Variants in DYNC2H1 observed in about 807,000 individuals in gnomAD.
The protein encoded by DYNC2H1 is cytoplasmic dynein 2 heavy chain 1.
DYNC2H1 carries 410 observed loss-of-function variants against 570.0 expected under a neutral mutation model. That is an observed-to-expected ratio of 0.72 (90% CI 0.66 to 0.78). The LOEUF (loss-of-function observed/expected upper bound fraction) is 0.78. DYNC2H1 is among the 30% of genes least tolerant of loss of function. The pLI is 0.00. For missense variants in DYNC2H1, 4,865 were observed against 5,046.4 expected, an observed-to-expected ratio of 0.96 and a Z score of 1.09; for synonymous variants, 1,688 against 1,677.6, an observed-to-expected ratio of 1.01 and a Z score of -0.15.
At chr11:103,176,047 AT>A (rs1015281650) in intron 36 of DYNC2H1, among the ~76,000 whole-genome samples, 187 bp from the exon 37 acceptor site, 2 of 152,116 alleles carry the variant, frequency 1.3e-5, no homozygotes, top group Admixed American at 1.3e-4. Context: ...ACTTAGTGAT[AT>A]TTACTTTTTA....
chr11:103,158,932 G>A lies in DYNC2H1; in HGVS notation c.4283G>A (p.Arg1428Lys). 1.9e-6 allele frequency: 3 copies of A among 1,610,018 alleles called. No individual in the cohort carries two copies. The highest frequency in any genetic ancestry group is 1.7e-6 in the Non-Finnish European group (2 of 1,178,940). ...TAGGAAAAACGCTCAGCATTCCCAA[G>A]ATTTTATTTTATTGGTGATGATGAC... ...FLEEKRSAFP[R>K]FYFIGDDDLL... is the part of the protein sequence containing the mutation. The change falls in exon 28 of 89, where the codon AGA becomes AAA. Residue 1428 changes from arginine to lysine, a missense_variant. Physicochemically the swap from Arg to Lys is conservative, Grantham distance 26. Around this residue, in one of 5 missense-constraint regions of DYNC2H1, gnomAD observed 1,936 missense variants for 1,962.1 expected, o/e 0.99. Coordinates refer to ENST00000375735, the MANE Select transcript of DYNC2H1 (RefSeq NM_001377.3).
chr11:103,189,928 G>C lies in DYNC2H1; in HGVS notation c.7437+112G>C, dbSNP rs1862228055. ...CCAGGCTTTACTTTCCTGTTTATTA[G>C]ACTTTTCTAGTAGAGAGTAACTGTG... On this transcript the variant is annotated intron_variant, in intron 45 of 88. Coordinates refer to ENST00000375735, the MANE Select transcript of DYNC2H1 (RefSeq NM_001377.3). This position sits in a 1 kb window ranked among gnomAD's most constrained non-coding sequence, Gnocchi z 4.3. 4 of 1,109,998 alleles carry C rather than the reference G, an allele frequency of 3.6e-6. No homozygotes were observed. Among genetic ancestry groups the C allele is most frequent in the Non-Finnish European group, 5.1e-6 (4 of 790,830 alleles). 68.8% of individuals were successfully genotyped at this position (1,109,998 alleles called of 1,614,324 possible). A position where few individuals can be genotyped will look rare whatever the true frequency, so the allele number is the denominator to read the frequency against.
intron 79 of DYNC2H1, among the ~76,000 whole-genome samples, chr11:103,312,324 G>A (rs1223555868): frequency 1.3e-5 from 2 of 149,194 alleles, no homozygotes; most frequent in Non-Finnish European, 3.0e-5. Context: ...AGTTTGTGGT[G>A]AGCCGAGATT....
At chr11:103,307,978 A>T (rs1385547486) in intron 78 of DYNC2H1, 147 bp downstream of exon 78, 1 of 422,954 alleles carries the variant, frequency 2.4e-6, no homozygotes, top group Non-Finnish European at 4.2e-6. Flanking sequence ...GCATAAGATG[A>T]TGTAAAATAC....
chr11:103,184,922 G>T lies in DYNC2H1; in HGVS notation c.6504G>T (p.Leu2168Phe), dbSNP rs764241639. The T allele has an allele frequency of 3.7e-6, 6 of 1,610,650 alleles. No individual in the cohort carries two copies. The highest frequency in any genetic ancestry group is 5.1e-6 in the Non-Finnish European group (6 of 1,177,744). ...ATGACTATGTGGTAGAAACAAGTTT[G>T]GTTGGGACTGTGATGAATGGTTTGT... ...KQNDYVVETS[L>F]VGTVMNGLSH... is the part of the protein sequence containing the mutation. The change falls in exon 41 of 89, where the codon TTG becomes TTT. Residue 2168 changes from leucine (L) to phenylalanine (F), a missense_variant. Transcript: ENST00000375735.
intron 84 of DYNC2H1, among the ~76,000 whole-genome samples, chr11:103,414,414 T>TTCA (rs1222286295): frequency 3.3e-5 from 5 of 151,236 alleles, no homozygotes; most frequent in African/African-American, 1.2e-4. Flanking sequence ...AGGTCAGGAG[T>TTCA]TCAAGACCAG....
Position 103,468,603 on chromosome 11 carries a change from A to C in DYNC2H1, c.12663A>C (p.Leu4221Phe). The stretch of plus-strand genomic sequence containing the variant: ...TTCCATGGCAGATCAGTGGCTTGTT[A>C]CTAGAAGGATGTAGTTTTGATGGAA... ...AKLQIKISGL[L>F]LEGCSFDGNQ... The change falls in exon 88 of 89, where the codon TTA becomes TTC. Residue 4221 changes from leucine to phenylalanine, a missense_variant. Physicochemically the swap from Leu to Phe is conservative, Grantham distance 22. Coordinates refer to ENST00000375735, the MANE Select transcript of DYNC2H1 (RefSeq NM_001377.3). 1 of 1,613,120 alleles carries C rather than the reference A, an allele frequency of 6.2e-7. No individual in the cohort carries two copies.
At chr11:103,214,789 CT>C (rs35102616) in intron 54 of DYNC2H1, among the ~76,000 whole-genome samples, 19,785 of 139,660 alleles carry the variant, frequency 0.14, 1,417 homozygotes, top group African/African-American at 0.2. Flanking sequence ...ATGTCTTTCC[CT>C]TTTTTTTTTT....
rs181100950 is a variant in DYNC2H1, at chr11:103,158,318, G to A, written c.4128-359G>A. Among the ~76,000 whole-genome samples, 97 of 152,250 alleles carry A rather than the reference G, an allele frequency of 6.4e-4. No individual in the cohort carries two copies. In the East Asian group the frequency reaches 0.016, roughly 25 times the overall value. Reference sequence around the variant, plus strand: ...AAAAAAATTAGCTAGGCGCGGTGGCGGGTGCCTGTATTCCCAGCTACTTGG... The same window carrying A: ...AAAAAAATTAGCTAGGCGCGGTGGCAGGTGCCTGTATTCCCAGCTACTTGG... On this transcript the variant is annotated intron_variant, in intron 26 of 88. Coordinates refer to ENST00000375735, the MANE Select transcript of DYNC2H1 (RefSeq NM_001377.3).
At chr11:103,475,183 C>T (rs1409987540) in intron 88 of DYNC2H1, among the ~76,000 whole-genome samples, 1 of 152,148 alleles carries the variant, frequency 6.6e-6, no homozygotes, top group East Asian at 1.9e-4. Flanking sequence ...ATGAACACAT[C>T]AACCATTTTA....
chr11:103,364,945 A>G (rs1207077042), intron 83 of DYNC2H1, among the ~76,000 whole-genome samples: 2 of 152,228 alleles, frequency 1.3e-5, no homozygotes, highest in African/African-American at 2.4e-5. Context: ...ACTGCCCAGC[A>G]TCTCCACCTG....
chr11:103,414,725 C>CTATACATCAATAA (rs1943215848), intron 84 of DYNC2H1, among the ~76,000 whole-genome samples: 1 of 152,058 alleles, frequency 6.6e-6, no homozygotes, highest in Admixed American at 6.5e-5. Flanking sequence ...ACAAGCATTC[C>CTATACATCAATAA]TATACATCAA....
At chr11:103,114,348 C>T in intron 3 of DYNC2H1, 110 bp downstream of exon 3, 2 of 1,254,582 alleles carry the variant, frequency 1.6e-6, no homozygotes, top group Non-Finnish European at 2.1e-6. Flanking sequence ...TGGAATTTCT[C>T]TGAGCATAGG....
intron 54 of DYNC2H1, among the ~76,000 whole-genome samples, chr11:103,212,914 G>T (rs1192074496): frequency 6.6e-6 from 1 of 152,112 alleles, no homozygotes; most frequent in Non-Finnish European, 1.5e-5. Flanking sequence ...TTGTATGTGA[G>T]TGTATTAGAT....
At chr11:103,257,154 C>A (rs1865088928) in intron 68 of DYNC2H1, among the ~76,000 whole-genome samples, 2 of 151,998 alleles carry the variant, frequency 1.3e-5, no homozygotes, top group African/African-American at 4.8e-5. Flanking sequence ...GATTAGTAAC[C>A]TTATAAAAGA....
At chr11:103,358,456 T>G in intron 83 of DYNC2H1, 97 bp downstream of exon 83, 1 of 799,298 alleles carries the variant, frequency 1.3e-6, no homozygotes, top group South Asian at 1.6e-5. Flanking sequence ...GTAATCACAT[T>G]GCAGAGGTTC....
At chr11:103,386,469 A>ACACACAC (rs1176701852) in intron 83 of DYNC2H1, among the ~76,000 whole-genome samples, 13 of 131,470 alleles carry the variant, frequency 9.9e-5, no homozygotes, top group African/African-American at 3.8e-4. Context: ...CACACACACA[A>ACACACAC]AAGTATTTTG....
intron 69 of DYNC2H1, among the ~76,000 whole-genome samples, chr11:103,258,582 C>A (rs569296816): frequency 1.3e-5 from 2 of 152,162 alleles, no homozygotes; most frequent in Non-Finnish European, 2.9e-5. Flanking sequence ...GTTGGGAGGA[C>A]TTGACGACAG....
intron 70 of DYNC2H1, among the ~76,000 whole-genome samples, chr11:103,272,360 G>T (rs1052773620): frequency 6.6e-6 from 1 of 152,110 alleles, no homozygotes; most frequent in Non-Finnish European, 1.5e-5. Flanking sequence ...ACTCATAGGT[G>T]GGAATTGAAC....
Sources: allele counts gnomAD v4.1 joint callset (sites outside exome capture counted in the v4.1 genomes callset), GRCh38; gene constraint gnomAD v4.1.1; regional missense constraint gnomAD v4.1.1; non-coding constraint Gnocchi (gnomAD v3.1); transcripts MANE v1.5; gene names NCBI Gene and HGNC (gene_info 2026-07-23, HGNC 2026-07-21).